COCH: variants seen among roughly 807,000 people sequenced by gnomAD.
COCH encodes cochlin.
In COCH, 40 loss-of-function variants were observed where a neutral mutation model predicts 54.8. That is an observed-to-expected ratio of 0.73 (90% CI 0.57 to 0.95). COCH has a LOEUF of 0.95. Ranked by LOEUF, COCH falls within the 40% of genes least tolerant of loss-of-function variation. The probability of loss-of-function intolerance (pLI) is 0.00; values close to 1 mark genes in which losing one functional copy is unlikely to be tolerated. For synonymous variants in COCH, 256 were observed against 237.9 expected (o/e 1.08, Z -0.70); for missense variants, 605 against 675.0 (o/e 0.90, Z 1.15).
At chr14:30,891,902 A>C (rs1895990711), downstream of COCH, among the ~76,000 whole-genome samples, 1 of 152,232 alleles carries the variant, frequency 6.6e-6, no homozygotes, top group African/African-American at 2.4e-5. Flanking sequence ...GTAAAAAGGA[A>C]ATACGTATTA....
Position 30,880,708 on chromosome 14 carries a change from A to T in COCH, c.603A>T (p.Gly201=). 1 of 1,613,192 alleles carries T rather than the reference A, an allele frequency of 6.2e-7. No individual in the cohort carries two copies. The highest frequency in any genetic ancestry group is 1.6e-4 in the Middle Eastern group (1 of 6,062). ...TAATGTTGGGAATTGGAACAGAAGG[A>T]CCACATGTGGGCCTTGTTCAAGCCA... is the stretch of plus-strand genomic sequence containing the variant. ...VALMLGIGTE[G]PHVGLVQASE... The change falls in exon 8 of 12, where the codon GGA becomes GGT. Residue 201 remains glycine (G), a synonymous_variant. Transcript: ENST00000396618.
chr14:30,879,739 G>T (rs1895502739), intron 6 of COCH, among the ~76,000 whole-genome samples: 1 of 152,142 alleles, frequency 6.6e-6, no homozygotes, highest in African/African-American at 2.4e-5. Flanking sequence ...AACCTCCTAG[G>T]CTCAAGCAAT....
downstream of COCH, chr14:30,895,213 G>T: frequency 1.2e-5 from 7 of 583,496 alleles, no homozygotes; most frequent in Middle Eastern, 4.1e-4. Flanking sequence ...TTTTTTCTTT[G>T]TCCCACAAAA....
At chr14:30,875,356 C>T (rs1055222771) in intron 3 of COCH, 11 of 615,000 alleles carry the variant, frequency 1.8e-5, no homozygotes, top group Non-Finnish European at 3.1e-5. Flanking sequence ...AGGAAGAAGG[C>T]CTCCTCCAGG....
In COCH at chr14:30,889,537, G is replaced by A. The variant is rs29001672; in HGVS notation, c.1478-79G>A. 17,260 of 1,265,100 alleles carry A rather than the reference G, an allele frequency of 0.014. 151 individuals are homozygous for A. Among genetic ancestry groups the A allele is most frequent in the Non-Finnish European group, 0.016 (14,340 of 869,510 alleles). The allele number at this position is 1,265,100 out of a possible 1,614,324, so 78.4% of individuals were successfully genotyped here. A position where few individuals can be genotyped will look rare whatever the true frequency, so the allele number is the denominator to read the frequency against. On this transcript the variant is annotated intron_variant, in intron 11 of 11. Coordinates refer to ENST00000396618, the MANE Select transcript of COCH (RefSeq NM_004086.3). Reference sequence around the variant, plus strand: ...GTTTTCGCTGCAACTATGTAACAGTGTATGGAAAACATATAGACATAATTC... The same window carrying A: ...GTTTTCGCTGCAACTATGTAACAGTATATGGAAAACATATAGACATAATTC...
intron 3 of COCH, chr14:30,875,468 C>CCTG: frequency 5.5e-6 from 3 of 545,582 alleles, no homozygotes; most frequent in Non-Finnish European, 6.4e-6. Flanking sequence ...CAGTCCTGGG[C>CCTG]TCTGCTGCGT....
chr14:30,877,801 A>AT lies in COCH; in HGVS notation c.239+74dup. On this transcript the variant is annotated intron_variant, in intron 4 of 11. Coordinates refer to ENST00000396618, the MANE Select transcript of COCH (RefSeq NM_004086.3). This position sits in a 1 kb window ranked among gnomAD's most constrained non-coding sequence, Gnocchi z 8.6. ...TTCCTTTCCTGCTTTACCCATCTGG[A>AT]TCCCTTTCCTCCCTGCATTCTTTCT... 6.2e-7 allele frequency: 1 copy of AT among 1,603,964 alleles called. No individual in the cohort carries two copies. The highest frequency in any genetic ancestry group is 8.5e-7 in the Non-Finnish European group (1 of 1,177,442).
chr14:30,892,802 C>T (rs1301112311), downstream of COCH, among the ~76,000 whole-genome samples: 2 of 149,728 alleles, frequency 1.3e-5, no homozygotes, highest in East Asian at 1.9e-4. Context: ...AGTGAAACTC[C>T]GCTCCATCTC....
At chr14:30,881,968 A>G (rs896860568) in intron 8 of COCH, among the ~76,000 whole-genome samples, 2 of 138,202 alleles carry the variant, frequency 1.4e-5, no homozygotes, top group African/African-American at 6.1e-5. Flanking sequence ...TGTTTCAAAA[A>G]ATAAAAATAA....
chr14:30,874,777 G>T, intron 1 of COCH, 139 bp from the exon 2 acceptor site: 7 of 788,428 alleles, frequency 8.9e-6, no homozygotes, highest in South Asian at 7.6e-5. Context: ...CTAGAGGGGC[G>T]CTGGCCTGGA....
At chr14:30,893,343 G>A (rs551256400), downstream of COCH, among the ~76,000 whole-genome samples, 277 of 151,762 alleles carry the variant, frequency 1.8e-3, 1 homozygote, top group Non-Finnish European at 3.2e-3. Context: ...TAGTAGAGAC[G>A]GGGTTTCATC....
downstream of COCH, among the ~76,000 whole-genome samples, chr14:30,891,108 CACT>C (rs963425641): frequency 1.3e-5 from 2 of 152,058 alleles, no homozygotes. Context: ...TATACACAGC[CACT>C]ACCTGATTAA....
chr14:30,882,147 T>TTTTTTTTTTTTTTTTTG, intron 8 of COCH, among the ~76,000 whole-genome samples: 1 of 133,314 alleles, frequency 7.5e-6, no homozygotes, highest in African/African-American at 2.7e-5. Context: ...TTTTTTTTTT[T>TTTTTTTTTTTTTTTTTG]GAGACGGAGT....
chr14:30,885,351 A>G, intron 9 of COCH, 43 bp from the exon 10 acceptor site: 1 of 1,462,952 alleles, frequency 6.8e-7, no homozygotes, highest in Non-Finnish European at 9.6e-7. Context: ...ATGTGGTTTG[A>G]GCAGTGGTAA....
chr14:30,889,212 A>T (rs749152771), intron 11 of COCH: 4 of 228,986 alleles, frequency 1.7e-5, no homozygotes, highest in Non-Finnish European at 3.5e-5. Flanking sequence ...ATACTGTTTG[A>T]TGCAGGCCAA....
intron 6 of COCH, among the ~76,000 whole-genome samples, chr14:30,879,746 C>T (rs1233346452): frequency 1.3e-5 from 2 of 152,206 alleles, no homozygotes; most frequent in African/African-American, 4.8e-5. Context: ...TAGGCTCAAG[C>T]AATCTTCTCA....
downstream of COCH, chr14:30,893,667 ACTTTTT>A (rs1315354717): frequency 6.6e-6 from 1 of 152,266 alleles, no homozygotes; most frequent in African/African-American, 2.4e-5. Flanking sequence ...TTAATGCAAG[ACTTTTT>A]CTTAATCTTC....
At position 30,877,330 on chromosome 14, in the gene COCH, G is replaced by A. The variant is rs1007762417; in HGVS notation, c.83-242G>A. On this transcript the variant is annotated intron_variant, in intron 3 of 11. Coordinates refer to ENST00000396618, the MANE Select transcript of COCH (RefSeq NM_004086.3). This position sits in a 1 kb window ranked among gnomAD's most constrained non-coding sequence, Gnocchi z 8.6. ...GAGTCCCCATTTCAAAAACAAAAAC[G>A]AAATAAAAACCCAGAACTTTCACAT... The A allele has an allele frequency of 2.1e-6, 1 of 486,440 alleles. No homozygotes were observed. The highest frequency in any genetic ancestry group is 3.7e-6 in the Non-Finnish European group (1 of 273,934). The allele number at this position is 486,440 out of a possible 1,614,324, so 30.1% of individuals were successfully genotyped here. A position where few individuals can be genotyped will look rare whatever the true frequency, so the allele number is the denominator to read the frequency against.
intron 6 of COCH, among the ~76,000 whole-genome samples, chr14:30,879,830 T>C (rs1397945341): frequency 6.6e-6 from 1 of 150,992 alleles, no homozygotes; most frequent in African/African-American, 2.4e-5. Flanking sequence ...TTTTTAATTT[T>C]TTTTATTTTT....
Sources: gnomAD v4.1 joint callset for allele counts (sites outside exome capture counted in the v4.1 genomes callset) on GRCh38, gnomAD v4.1.1 for gene constraint, Gnocchi (gnomAD v3.1) non-coding constraint, MANE v1.5 for transcripts, NCBI Gene and HGNC (gene_info 2026-07-23, HGNC 2026-07-21) for gene names.